The following FER variants were observed in gnomAD, a reference collection of about 807,000 sequenced individuals.
FER encodes the protein FER tyrosine kinase, also known as tyrosine-protein kinase Fer.
A neutral mutation model predicts 111.0 loss-of-function variants in FER; 63 were observed. That is an observed-to-expected ratio of 0.57 (90% confidence interval 0.46 to 0.70). The LOEUF is 0.70. Among genes scored for constraint, FER ranks in the 30% least tolerant of loss-of-function variants. FER has a pLI of 0.00. For synonymous variants in FER, 327 were observed against 313.9 expected (o/e 1.04, Z -0.44); for missense variants, 914 against 954.0 (o/e 0.96, Z 0.55).
At chr5:108,943,236 G>A (rs1424177061) in intron 10 of FER, among the ~76,000 whole-genome samples, 2 of 152,048 alleles carry the variant, frequency 1.3e-5, no homozygotes, top group Admixed American at 6.6e-5. Context: ...AATGATCAGC[G>A]TAACGCAAAT....
chr5:109,119,064 T>G (rs2126478082), intron 17 of FER, among the ~76,000 whole-genome samples: 1 of 152,272 alleles, frequency 6.6e-6, no homozygotes, highest in Non-Finnish European at 1.5e-5. Context: ...TTGAATGTGT[T>G]TGCTCTTGTT....
In FER at chr5:108,866,618, T is replaced by G. The variant is rs546479765; in HGVS notation, c.482-1149T>G. Among the ~76,000 whole-genome samples the G allele has an allele frequency of 3.1e-4, 47 of 151,970 alleles. No individual in the cohort carries two copies. The South Asian group carries it at 6.7e-3, about 22-fold the overall frequency. On this transcript the variant is annotated intron_variant, in intron 5 of 19. Transcript: ENST00000281092. ...AAGAATCAGCTAGAAACTGATGCCT[T>G]GACACCAATGAATCTCAATGCAATG...
chr5:108,855,968 G>A (rs1384594233), intron 5 of FER, among the ~76,000 whole-genome samples: 1 of 151,658 alleles, frequency 6.6e-6, no homozygotes, highest in Non-Finnish European at 1.5e-5. Context: ...TCAAGATTGG[G>A]AGCTATTACA....
At chr5:108,792,243 T>A (rs960764623) in intron 2 of FER, among the ~76,000 whole-genome samples, 1 of 152,266 alleles carries the variant, frequency 6.6e-6, no homozygotes, top group African/African-American at 2.4e-5. Flanking sequence ...TAATATGGAT[T>A]GTGTTAAATT....
In FER at chr5:108,920,265, A is replaced by G. The variant is rs1021166352; in HGVS notation, c.1236+22417A>G. Among the ~76,000 whole-genome samples, 4 of 152,100 alleles carry G rather than the reference A, an allele frequency of 2.6e-5. No homozygotes were observed. In the East Asian group the frequency reaches 7.7e-4, roughly 29 times the overall value. ...TTCTTTTTTAATCCTACCTACCAAA[A>G]GTTATCACCCTGCAACTTGGTTTTT... On this transcript the variant is annotated intron_variant, in intron 10 of 19. Transcript: ENST00000281092.
Position 108,931,407 on chromosome 5 carries a change from G to A in FER, c.1237-14723G>A, listed in dbSNP as rs186607497. 4.4e-4 allele frequency among the ~76,000 whole-genome samples: 67 copies of A among 152,126 alleles called. 1 individual carries two copies. Among genetic ancestry groups the A allele is most frequent in the African/African-American group, 1.4e-3 (60 of 41,488 alleles). On this transcript the variant is annotated intron_variant, in intron 10 of 19. Coordinates refer to ENST00000281092, the MANE Select transcript of FER (RefSeq NM_005246.4). ...ATTTAATAAACTTATGTCACTGAAC[G>A]AAGGATTTCTGAAATGTAGATCCAA...
chr5:108,931,714 C>G (rs760205606), intron 10 of FER, among the ~76,000 whole-genome samples: 26 of 152,058 alleles, frequency 1.7e-4, no homozygotes, highest in Non-Finnish European at 5.9e-5. Context: ...CCTGTAATCC[C>G]AGCTACTTGG....
intron 13 of FER, among the ~76,000 whole-genome samples, chr5:108,979,240 T>C (rs1191272552): frequency 6.6e-6 from 1 of 152,202 alleles, no homozygotes; most frequent in Non-Finnish European, 1.5e-5. Context: ...CAGGAAAGCC[T>C]GTTCAGAAGT....
intron 13 of FER, among the ~76,000 whole-genome samples, chr5:108,975,358 G>T (rs142834191): frequency 6.6e-6 from 1 of 152,078 alleles, no homozygotes; most frequent in Non-Finnish European, 1.5e-5. Context: ...CATGACACAT[G>T]TATACCTATG....
At chr5:108,884,524 T>C (rs982356994) in intron 9 of FER, among the ~76,000 whole-genome samples, 8 of 139,852 alleles carry the variant, frequency 5.7e-5, no homozygotes, top group Non-Finnish European at 9.4e-5. Context: ...TTTTTTTTTG[T>C]TTGTTTGTTT....
At chr5:108,827,240 A>G (rs1357407372) in intron 3 of FER, among the ~76,000 whole-genome samples, 1 of 152,208 alleles carries the variant, frequency 6.6e-6, no homozygotes, top group Non-Finnish European at 1.5e-5. Flanking sequence ...CTAAAAGGAA[A>G]CAGGAGAGGG....
At chr5:108,943,623 C>A (rs1394024875) in intron 10 of FER, among the ~76,000 whole-genome samples, 1 of 151,988 alleles carries the variant, frequency 6.6e-6, no homozygotes, top group Non-Finnish European at 1.5e-5. Flanking sequence ...AGTGAAAGAG[C>A]CTTTTTCACT....
intron 17 of FER, among the ~76,000 whole-genome samples, chr5:109,126,226 G>T (rs908705060): frequency 2.0e-5 from 3 of 152,146 alleles, no homozygotes; most frequent in Admixed American, 6.5e-5. Flanking sequence ...CCCCTTCCTT[G>T]CACCTGTTCA....
At chr5:109,170,481 C>A (rs373877529) in intron 17 of FER, among the ~76,000 whole-genome samples, 1 of 152,066 alleles carries the variant, frequency 6.6e-6, no homozygotes, top group Non-Finnish European at 1.5e-5. Flanking sequence ...CAGCCACTTA[C>A]CAGCTATGTG....
intron 17 of FER, among the ~76,000 whole-genome samples, chr5:109,117,833 G>T: frequency 6.6e-6 from 1 of 151,762 alleles, no homozygotes; most frequent in South Asian, 2.1e-4. Flanking sequence ...GTATAAGAAT[G>T]CTTGTGATTT....
chr5:108,787,960 T>C (rs909175003), intron 2 of FER, among the ~76,000 whole-genome samples: 1 of 152,184 alleles, frequency 6.6e-6, no homozygotes, highest in African/African-American at 2.4e-5. Flanking sequence ...ACCTACTGAA[T>C]GGTGGGACTA....
At chr5:108,878,967 C>T (rs971604347) in intron 8 of FER, among the ~76,000 whole-genome samples, 1 of 152,098 alleles carries the variant, frequency 6.6e-6, no homozygotes, top group Non-Finnish European at 1.5e-5. Context: ...CTTACCGGCT[C>T]TGTGACGGTG....
intron 3 of FER, among the ~76,000 whole-genome samples, chr5:108,821,785 TATA>T (rs1758870136): frequency 6.6e-6 from 1 of 152,160 alleles, no homozygotes; most frequent in Admixed American, 6.5e-5. Context: ...ATATATGTTG[TATA>T]ATGATTACCA....
At chr5:109,131,230 C>A (rs1194995567) in intron 17 of FER, among the ~76,000 whole-genome samples, 1 of 152,114 alleles carries the variant, frequency 6.6e-6, no homozygotes, top group African/African-American at 2.4e-5. Context: ...CTCAACTGTT[C>A]ATTTATTTGA....
Sources: gnomAD v4.1 joint callset for allele counts (sites outside exome capture counted in the v4.1 genomes callset) on GRCh38, gnomAD v4.1.1 for gene constraint, MANE v1.5 for transcripts, NCBI Gene and HGNC (gene_info 2026-07-23, HGNC 2026-07-21) for gene names.